The following ZER1 variants were observed in gnomAD, a reference collection of about 807,000 sequenced individuals.
The protein encoded by ZER1 is protein zer-1 homolog.
Under a neutral mutation model 78.8 loss-of-function variants are expected in ZER1, and 11 were observed. That is an observed-to-expected ratio of 0.14 (90% CI 0.09 to 0.23). The LOEUF is 0.23. ZER1 is among the 10% of genes least tolerant of loss of function. The pLI is 1.00. For missense variants in ZER1, 588 were observed against 996.9 expected (o/e 0.59, Z 5.52); for synonymous variants, 400 against 407.0 (o/e 0.98, Z 0.21).
chr9:128,765,128 G>A (rs1321596138), intron 1 of ZER1, among the ~76,000 whole-genome samples: 1 of 151,980 alleles, frequency 6.6e-6, no homozygotes, highest in Non-Finnish European at 1.5e-5. Context: ...ATAACAATTT[G>A]TCAACTGACA....
chr9:128,756,682 C>T (rs1419635765), intron 1 of ZER1, among the ~76,000 whole-genome samples: 5 of 152,026 alleles, frequency 3.3e-5, no homozygotes, highest in African/African-American at 1.2e-4. Flanking sequence ...TAGAAATGTC[C>T]AGTGACGATA....
chr9:128,749,975 G>A (rs1249458084), intron 8 of ZER1, among the ~76,000 whole-genome samples: 1 of 152,192 alleles, frequency 6.6e-6, no homozygotes, highest in Non-Finnish European at 1.5e-5. Context: ...CCCGGGAGGT[G>A]GAAGTTGCAG....
In ZER1 at chr9:128,750,818, G is replaced by A. The variant is rs145261135; in HGVS notation, c.1186-29C>T. On this transcript the variant is annotated intron_variant, in intron 7 of 15. Transcript: ENST00000291900. ...TATGAAGACAAGGGGGACCTGGGCT[G>A]GCAAGTGCAGGGAGAGGCCTGGGCT... is the stretch of plus-strand genomic sequence containing the variant. 75 of 1,613,374 alleles carry A rather than the reference G, an allele frequency of 4.6e-5. No homozygotes were observed. In the African/African-American group the frequency reaches 8.5e-4, roughly 18 times the overall value.
intron 13 of ZER1, among the ~76,000 whole-genome samples, chr9:128,736,433 G>A (rs554698007): frequency 1.6e-3 from 225 of 143,726 alleles, no homozygotes; most frequent in African/African-American, 5.4e-3. Flanking sequence ...TCACTCTGTC[G>A]CCCAGGCTGG....
In ZER1 at chr9:128,731,250, C is replaced by G. The variant is rs922945979; in HGVS notation, c.*87G>C. The G allele has an allele frequency of 1.2e-5, 17 of 1,382,092 alleles. 1 individual carries two copies. The highest frequency in any genetic ancestry group is 2.1e-4 in the Middle Eastern group (1 of 4,852). The allele number at this position is 1,382,092 out of a possible 1,614,324, so 85.6% of individuals were successfully genotyped here. On this transcript the variant is annotated 3_prime_UTR_variant, in exon 16 of 16. Transcript: ENST00000291900. ...CTCTTCACTCCGTGGGAGGCTCCCT[C>G]GGAAGGGGCCCGCCCGCTGGGCTGC...
chr9:128,755,274 T>A lies in ZER1; in HGVS notation c.158+134A>T. The A allele has an allele frequency of 7.8e-7, 1 of 1,278,014 alleles. No individual in the cohort carries two copies. The highest frequency in any genetic ancestry group is 2.3e-5 in the East Asian group (1 of 42,784). The allele number at this position is 1,278,014 out of a possible 1,614,324, so 79.2% of individuals were successfully genotyped here. On this transcript the variant is annotated intron_variant, in intron 2 of 15. Transcript: ENST00000291900. The surrounding 1 kb of genome is among the most constrained non-coding windows in gnomAD (Gnocchi z 5.6). Reference sequence around the variant, plus strand: ...CACTATTCTCTTGCAGCCATGAACATCCATGTGCACACACACACACCCTCA... The same window carrying A: ...CACTATTCTCTTGCAGCCATGAACAACCATGTGCACACACACACACCCTCA...
rs758446412 is a variant in ZER1 at position 128,753,571 on chromosome 9, G to A, written c.339C>T (p.Cys113=). Residue 113 remains cysteine, a synonymous_variant, in exon 4 of 16, where the codon TGC becomes TGT. Transcript: ENST00000291900. This position sits in a 1 kb window ranked among gnomAD's most constrained non-coding sequence, Gnocchi z 7.5. ...QDLVELYLTN[C]EKLSAKSLQT... ...GCAGGCTCTTGGCGGACAGCTTCTCGCAGTTAGTCAGGTACAGCTCCACCA... is the reference window on the plus strand; with the variant it reads ...GCAGGCTCTTGGCGGACAGCTTCTCACAGTTAGTCAGGTACAGCTCCACCA... 56 of 1,613,664 alleles carry A rather than the reference G, an allele frequency of 3.5e-5. No homozygotes were observed. The highest frequency in any genetic ancestry group is 5.3e-5 in the African/African-American group (4 of 74,940).
At position 128,741,466 on chromosome 9, in the gene ZER1, G is replaced by A; in HGVS notation, c.1737+69C>T. 5 of 1,609,826 alleles carry A rather than the reference G, an allele frequency of 3.1e-6. 1 individual carries two copies. The South Asian group carries it at 3.3e-5, about 11-fold the overall frequency. ...GGGTGCTGCGGATTTGGTTGGTGGGGAGCCTAGGGACAGAAGAGGGGCCAT... is the reference window on the plus strand; with the variant it reads ...GGGTGCTGCGGATTTGGTTGGTGGGAAGCCTAGGGACAGAAGAGGGGCCAT... On this transcript the variant is annotated intron_variant, in intron 11 of 15. Coordinates refer to ENST00000291900, the MANE Select transcript of ZER1 (RefSeq NM_006336.4).
intron 1 of ZER1, among the ~76,000 whole-genome samples, chr9:128,760,939 C>A (rs1226485250): frequency 6.6e-6 from 1 of 151,998 alleles, no homozygotes; most frequent in Non-Finnish European, 1.5e-5. Flanking sequence ...GCAGGCGAAT[C>A]ATGAGGTCAG....
chr9:128,745,395 CTTA>C (rs1033974286), intron 8 of ZER1, among the ~76,000 whole-genome samples: 1 of 151,728 alleles, frequency 6.6e-6, no homozygotes, highest in African/African-American at 2.4e-5. Flanking sequence ...CTCATTTACT[CTTA>C]TCACCCAGGC....
Position 128,751,018 on chromosome 9 carries a change from A to T in ZER1, c.1185+104T>A. 1 of 1,472,100 alleles carries T rather than the reference A, an allele frequency of 6.8e-7. No homozygotes were observed. The highest frequency in any genetic ancestry group is 1.4e-5 in the South Asian group (1 of 72,292). The allele number at this position is 1,472,100 out of a possible 1,614,324, so 91.2% of individuals were successfully genotyped here. ...GGGTTCGGGTCCTGGGGCCCTGGGG[A>T]CAGGGTGCAGAAGGACACAGGCTCT... is the stretch of plus-strand genomic sequence containing the variant. On this transcript the variant is annotated intron_variant, in intron 7 of 15. Transcript: ENST00000291900. The surrounding 1 kb of genome is among the most constrained non-coding windows in gnomAD (Gnocchi z 5.4).
Position 128,755,813 on chromosome 9 carries a change from G to A in ZER1, c.-94-154C>T, listed in dbSNP as rs962089056. 3.3e-5 allele frequency among the ~76,000 whole-genome samples: 5 copies of A among 152,284 alleles called. No homozygotes were observed. Among genetic ancestry groups the A allele is most frequent in the African/African-American group, 7.2e-5 (3 of 41,556 alleles). On this transcript the variant is annotated intron_variant, in intron 1 of 15. Transcript: ENST00000291900. The surrounding 1 kb of genome is among the most constrained non-coding windows in gnomAD (Gnocchi z 5.6). ...GGTCTCCTGACTCCTTCTTTCACCC[G>A]CCTCTGCTGTGCCACTATCTATGCA...
rs557934234 is a variant in ZER1 at position 128,751,626 on chromosome 9, G to A, written c.924-99C>T. On this transcript the variant is annotated intron_variant, in intron 5 of 15. Coordinates refer to ENST00000291900, the MANE Select transcript of ZER1 (RefSeq NM_006336.4). This position sits in a 1 kb window ranked among gnomAD's most constrained non-coding sequence, Gnocchi z 5.4. Reference sequence around the variant, plus strand: ...AGGCATTTCCTTGCTTTCTCTTCTAGGCCCTCCAACCTCATCCCCTACTCC... The same window carrying A: ...AGGCATTTCCTTGCTTTCTCTTCTAAGCCCTCCAACCTCATCCCCTACTCC... The A allele has an allele frequency of 1.3e-4, 129 of 974,420 alleles. No individual in the cohort carries two copies. In the South Asian group the frequency reaches 1.7e-3, roughly 13 times the overall value. The allele number at this position is 974,420 out of a possible 1,614,324, so 60.4% of individuals were successfully genotyped here.
At chr9:128,731,430 G>A in intron 15 of ZER1, 36 bp from the exon 16 acceptor site, 1 of 1,202,854 alleles carries the variant, frequency 8.3e-7, no homozygotes, top group Non-Finnish European at 1.2e-6. Context: ...TGGAGGGTGG[G>A]CTTGGGTGGG....
intron 7 of ZER1, 140 bp from the exon 8 acceptor site, chr9:128,750,929 C>T (rs1589532189): frequency 2.8e-6 from 4 of 1,422,902 alleles, no homozygotes; most frequent in Admixed American, 2.1e-5. Flanking sequence ...GGGGAGCAGA[C>T]ACCAGGGTGG....
chr9:128,751,920 A>G lies in ZER1; in HGVS notation c.924-393T>C, dbSNP rs1863691372. ...TCAAACTTCTCAACCAACCAATCCA[A>G]GAACCGACCTATGTCCAGCAATACT... On this transcript the variant is annotated intron_variant, in intron 5 of 15. Coordinates refer to ENST00000291900, the MANE Select transcript of ZER1 (RefSeq NM_006336.4). The surrounding 1 kb of genome is among the most constrained non-coding windows in gnomAD (Gnocchi z 5.4). Among the ~76,000 whole-genome samples the G allele has an allele frequency of 6.6e-6, 1 of 152,218 alleles. No homozygotes were observed. Among genetic ancestry groups the G allele is most frequent in the East Asian group, 1.9e-4 (1 of 5,188 alleles).
chr9:128,769,018 G>A (rs993441321), intron 1 of ZER1, among the ~76,000 whole-genome samples: 2 of 151,876 alleles, frequency 1.3e-5, no homozygotes, highest in Non-Finnish European at 2.9e-5. Context: ...GGCCTCAAGC[G>A]ATCCTCCCAA....
rs1305819559 is a variant in ZER1, at chr9:128,732,153, C to A, written c.2244-759G>T. Among the ~76,000 whole-genome samples the A allele has an allele frequency of 5.3e-5, 8 of 152,210 alleles. No individual in the cohort carries two copies. On this transcript the variant is annotated intron_variant, in intron 15 of 15. Transcript: ENST00000291900. This position sits in a 1 kb window ranked among gnomAD's most constrained non-coding sequence, Gnocchi z 4.8. ...CCTTCTCCTAAGCATTGTCCAGGGT[C>A]ATTTACTCCTTGCTGTCAGACAGGC...
chr9:128,736,881 C>T (rs1265984947), intron 13 of ZER1, among the ~76,000 whole-genome samples: 1 of 151,938 alleles, frequency 6.6e-6, no homozygotes, highest in Non-Finnish European at 1.5e-5. Context: ...CAATGGCTCA[C>T]ACCTGTAATC....
Sources: gnomAD v4.1 joint callset for allele counts (sites outside exome capture counted in the v4.1 genomes callset) on GRCh38, gnomAD v4.1.1 for gene constraint, Gnocchi (gnomAD v3.1) non-coding constraint, MANE v1.5 for transcripts, NCBI Gene and HGNC (gene_info 2026-07-23, HGNC 2026-07-21) for gene names.